The following SPOCK3 variants were observed in gnomAD, a reference collection of about 807,000 sequenced individuals.
SPOCK3 encodes SPARC (osteonectin), cwcv and kazal like domains proteoglycan 3.
SPOCK3 carries 30 observed loss-of-function variants against 56.6 expected under a neutral mutation model. That is an observed-to-expected ratio of 0.53 (90% CI 0.40 to 0.72). The LOEUF (loss-of-function observed/expected upper bound fraction) is 0.72. Among genes scored for constraint, SPOCK3 ranks in the 30% least tolerant of loss-of-function variants. SPOCK3 has a pLI of 0.00. For synonymous variants in SPOCK3, 196 were observed against 183.3 expected, an observed-to-expected ratio of 1.07 and a Z score of -0.56; for missense variants, 527 against 530.0, an observed-to-expected ratio of 0.99 and a Z score of 0.06.
chr4:167,090,468 TA>T (rs1758605758), intron 2 of SPOCK3, among the ~76,000 whole-genome samples: 1 of 152,178 alleles, frequency 6.6e-6, no homozygotes, highest in Non-Finnish European at 1.5e-5. Flanking sequence ...TAGCATGTAA[TA>T]TTTTTAATTT....
chr4:166,897,970 A>G (rs1240001787), intron 5 of SPOCK3, among the ~76,000 whole-genome samples: 1 of 152,094 alleles, frequency 6.6e-6, no homozygotes, highest in Non-Finnish European at 1.5e-5. Flanking sequence ...CAGGAGGAGC[A>G]CTTTGAGGCC....
chr4:167,079,404 T>C (rs1177495909), intron 2 of SPOCK3, among the ~76,000 whole-genome samples: 2 of 152,000 alleles, frequency 1.3e-5, no homozygotes, highest in Non-Finnish European at 2.9e-5. Context: ...TTTAATTATC[T>C]GGAATAAACT....
At chr4:167,193,348 T>C (rs538864276) in intron 2 of SPOCK3, among the ~76,000 whole-genome samples, 1 of 146,124 alleles carries the variant, frequency 6.8e-6, no homozygotes, top group South Asian at 2.1e-4. Context: ...TGTTATAATA[T>C]AGTAGTCTAT....
At chr4:166,988,535 C>T (rs1176996313) in intron 4 of SPOCK3, among the ~76,000 whole-genome samples, 4 of 151,954 alleles carry the variant, frequency 2.6e-5, no homozygotes, top group African/African-American at 9.7e-5. Flanking sequence ...ATAGTGATAC[C>T]AAGACAGCCA....
At chr4:166,767,594 G>A (rs1738275229) in intron 7 of SPOCK3, among the ~76,000 whole-genome samples, 1 of 152,214 alleles carries the variant, frequency 6.6e-6, no homozygotes, top group Non-Finnish European at 1.5e-5. Flanking sequence ...TTGCTGAGGA[G>A]TGCTTTCCTT....
At chr4:167,108,888 G>C (rs1760427647) in intron 2 of SPOCK3, among the ~76,000 whole-genome samples, 1 of 140,370 alleles carries the variant, frequency 7.1e-6, no homozygotes, top group African/African-American at 2.7e-5. Flanking sequence ...ATTTTACTTT[G>C]CATTTCTGTA....
chr4:166,821,826 T>C (rs1170737047), intron 6 of SPOCK3, among the ~76,000 whole-genome samples: 3 of 152,020 alleles, frequency 2.0e-5, no homozygotes, highest in East Asian at 1.9e-4. Flanking sequence ...GGTAGTAAAG[T>C]TTGCACACAT....
chr4:166,845,817 C>T (rs559787250), intron 6 of SPOCK3, among the ~76,000 whole-genome samples: 4 of 152,258 alleles, frequency 2.6e-5, no homozygotes, highest in Admixed American at 1.3e-4. Flanking sequence ...TATGCAGTCA[C>T]ATGTCACTTA....
intron 2 of SPOCK3, among the ~76,000 whole-genome samples, chr4:167,106,274 T>C (rs1422929433): frequency 6.6e-6 from 1 of 151,906 alleles, no homozygotes; most frequent in Non-Finnish European, 1.5e-5. Flanking sequence ...AATGAAATAA[T>C]ATCAAACATC....
intron 2 of SPOCK3, among the ~76,000 whole-genome samples, chr4:167,152,215 C>T (rs1764487114): frequency 6.6e-6 from 1 of 152,136 alleles, no homozygotes; most frequent in Admixed American, 6.6e-5. Flanking sequence ...AATTTTACAA[C>T]TTAAGATTCC....
At chr4:166,762,116 T>G (rs1737321222) in intron 7 of SPOCK3, among the ~76,000 whole-genome samples, 1 of 152,074 alleles carries the variant, frequency 6.6e-6, no homozygotes, top group Non-Finnish European at 1.5e-5. Flanking sequence ...TAAATTCTCT[T>G]GTAAAATTGT....
chr4:167,086,975 C>T (rs892804346), intron 2 of SPOCK3, among the ~76,000 whole-genome samples: 9 of 151,918 alleles, frequency 5.9e-5, no homozygotes, highest in East Asian at 5.8e-4. Flanking sequence ...ATGAGTAGAC[C>T]GCCCAGATAG....
chr4:166,992,824 C>T (rs1747948505), intron 4 of SPOCK3, among the ~76,000 whole-genome samples: 2 of 151,920 alleles, frequency 1.3e-5, no homozygotes, highest in Admixed American at 6.6e-5. Context: ...TACTTTTTCC[C>T]CCCAATTCAT....
At chr4:167,206,698 T>C (rs752850265) in intron 2 of SPOCK3, among the ~76,000 whole-genome samples, 4 of 152,078 alleles carry the variant, frequency 2.6e-5, no homozygotes, top group Non-Finnish European at 5.9e-5. Flanking sequence ...ACTCAAGTAA[T>C]TCTGTTAACA....
intron 4 of SPOCK3, among the ~76,000 whole-genome samples, chr4:166,940,465 T>C (rs1365355114): frequency 6.6e-6 from 1 of 151,870 alleles, no homozygotes; most frequent in Non-Finnish European, 1.5e-5. Context: ...ATGGTGACCG[T>C]ACAATCAACA....
chr4:167,161,013 G>T (rs2150439692), intron 2 of SPOCK3, among the ~76,000 whole-genome samples: 1 of 152,210 alleles, frequency 6.6e-6, no homozygotes, highest in African/African-American at 2.4e-5. Flanking sequence ...AACACCAAAA[G>T]CCATGGCAAC....
Position 167,005,272 on chromosome 4 carries a change from C to T in SPOCK3, c.236-4809G>A, listed in dbSNP as rs369360380. The stretch of plus-strand genomic sequence containing the variant: ...TTGCCCAGGCTGGAGTGCAGTGGTG[C>T]GATCTCAGCTCACTGCAAGCTCTGC... On this transcript the variant is annotated intron_variant, in intron 3 of 10. Transcript: ENST00000357545. Among the ~76,000 whole-genome samples the T allele has an allele frequency of 1.8e-3, 276 of 151,798 alleles. 12 individuals carry two copies. In the South Asian group the frequency reaches 0.056, roughly 31 times the overall value.
intron 2 of SPOCK3, among the ~76,000 whole-genome samples, chr4:167,222,901 A>T (rs554589472): frequency 1.6e-5 from 2 of 128,392 alleles, no homozygotes; most frequent in African/African-American, 3.1e-5. Context: ...ATATAAATAT[A>T]TAAACATAGA....
intron 8 of SPOCK3, among the ~76,000 whole-genome samples, chr4:166,750,738 A>G (rs1392654391): frequency 3.9e-5 from 6 of 152,202 alleles, no homozygotes; most frequent in Non-Finnish European, 1.5e-5. Flanking sequence ...TGAACTAAAG[A>G]AAATGTAATT....
Sources: allele counts gnomAD v4.1 joint callset (sites outside exome capture counted in the v4.1 genomes callset), GRCh38; gene constraint gnomAD v4.1.1; transcripts MANE v1.5; gene names NCBI Gene and HGNC (gene_info 2026-07-23, HGNC 2026-07-21).